Variants in VDAC1 observed in about 807,000 individuals in gnomAD.
VDAC1 encodes the protein non-selective voltage-gated ion channel VDAC1.
Under a neutral mutation model 34.7 loss-of-function variants are expected in VDAC1, and 10 were observed. The observed-to-expected ratio is 0.29, with a 90% CI of 0.18 to 0.49. VDAC1 has a LOEUF of 0.49. Ranked by LOEUF, VDAC1 falls within the 20% of genes least tolerant of loss-of-function variation. The probability of loss-of-function intolerance (pLI) is 0.99; values close to 1 mark genes in which losing one functional copy is unlikely to be tolerated. For missense variants in VDAC1, 230 were observed against 347.9 expected, an observed-to-expected ratio of 0.66 and a Z score of 2.69; for synonymous variants, 130 against 136.0, an observed-to-expected ratio of 0.96 and a Z score of 0.30.
chr5:134,022,374 G>A, the VDAC1 span, among the ~76,000 whole-genome samples: 1 of 152,196 alleles, frequency 6.6e-6, no homozygotes. Context: ...TTGGCACACA[G>A]TTCTAGAGGT....
the VDAC1 span, among the ~76,000 whole-genome samples, chr5:134,014,367 A>G: frequency 6.6e-6 from 1 of 152,224 alleles, no homozygotes; most frequent in African/African-American, 2.4e-5. Context: ...CATCAGATAA[A>G]TGCAAATCAA....
At chr5:133,992,497 C>A in intron 2 of VDAC1, 142 bp from the exon 3 acceptor site, 1 of 532,974 alleles carries the variant, frequency 1.9e-6, no homozygotes, top group Non-Finnish European at 3.1e-6. Context: ...GTCTCTGCTG[C>A]TGCTCGTGGG....
chr5:134,002,019 A>T (rs1397529633), intron 1 of VDAC1, among the ~76,000 whole-genome samples: 1 of 152,168 alleles, frequency 6.6e-6, no homozygotes, highest in Non-Finnish European at 1.5e-5. Context: ...ATCTCTGAGC[A>T]CCAGGAGGGG....
chr5:134,113,182 G>C, the VDAC1 span, among the ~76,000 whole-genome samples: 3 of 152,216 alleles, frequency 2.0e-5, no homozygotes, highest in Non-Finnish European at 4.4e-5. Context: ...ACCCTGGGAA[G>C]AGGCTGGGGA....
At chr5:134,038,257 C>T in the VDAC1 span, among the ~76,000 whole-genome samples, 3 of 152,180 alleles carry the variant, frequency 2.0e-5, no homozygotes, top group Non-Finnish European at 4.4e-5. Flanking sequence ...CAGCTAAGGC[C>T]TGAAAGAACT....
the VDAC1 span, among the ~76,000 whole-genome samples, chr5:134,032,616 T>G: frequency 6.6e-6 from 1 of 152,176 alleles, no homozygotes; most frequent in Non-Finnish European, 1.5e-5. Context: ...TGGAGTAGTA[T>G]GCAGCTATAA....
At chr5:134,018,339 A>G in the VDAC1 span, among the ~76,000 whole-genome samples, 1 of 152,186 alleles carries the variant, frequency 6.6e-6, no homozygotes, top group African/African-American at 2.4e-5. Context: ...TACCTTGCGG[A>G]GGGCACCAAG....
chr5:134,112,243 C>T, the VDAC1 span, among the ~76,000 whole-genome samples: 1 of 152,216 alleles, frequency 6.6e-6, no homozygotes, highest in Non-Finnish European at 1.5e-5. Context: ...TATCTGAGCT[C>T]TTTCTGTCCA....
chr5:134,087,861 C>T, the VDAC1 span, among the ~76,000 whole-genome samples: 1 of 129,878 alleles, frequency 7.7e-6, no homozygotes, highest in Non-Finnish European at 1.6e-5. Flanking sequence ...CCCTAAAAAA[C>T]AAAACAAGCA....
the VDAC1 span, among the ~76,000 whole-genome samples, chr5:134,040,810 T>G: frequency 6.6e-6 from 1 of 152,220 alleles, no homozygotes; most frequent in Non-Finnish European, 1.5e-5. Context: ...GGCTATCCAA[T>G]AGTGTCTCCT....
intron 5 of VDAC1, 30 bp downstream of exon 5, chr5:133,990,825 C>T (rs748921093): frequency 2.0e-6 from 3 of 1,523,508 alleles, no homozygotes; most frequent in Non-Finnish European, 2.6e-6. Context: ...CAGAGAACAT[C>T]CTTGTGGAGA....
At chr5:134,052,098 G>A in the VDAC1 span, among the ~76,000 whole-genome samples, 3 of 152,012 alleles carry the variant, frequency 2.0e-5, no homozygotes, top group Non-Finnish European at 2.9e-5. Context: ...TTTGAAAGGC[G>A]CCCTCCCTCC....
Position 133,977,633 on chromosome 5 carries a change from T to A in VDAC1, c.552-1612A>T, listed in dbSNP as rs573109788. The stretch of plus-strand genomic sequence containing the variant: ...CACTTTGTCCTCTGTCGGGCTGGGG[T>A]CGGCACAGATCATAGACTGTCTCTC... On this transcript the variant is annotated intron_variant, in intron 6 of 8. Transcript: ENST00000265333. 2.0e-5 allele frequency among the ~76,000 whole-genome samples: 3 copies of A among 152,264 alleles called. No individual in the cohort carries two copies. The South Asian group carries it at 6.2e-4, about 32-fold the overall frequency.
chr5:134,075,003 C>T, the VDAC1 span, among the ~76,000 whole-genome samples: 17 of 152,176 alleles, frequency 1.1e-4, no homozygotes, highest in African/African-American at 4.1e-4. Context: ...ACAGCTCGTC[C>T]AGCCATTTGG....
At chr5:134,025,761 C>T in the VDAC1 span, among the ~76,000 whole-genome samples, 1 of 151,978 alleles carries the variant, frequency 6.6e-6, no homozygotes, top group Admixed American at 6.6e-5. Context: ...AGCTAAGTTT[C>T]TTTTCATTTT....
the VDAC1 span, among the ~76,000 whole-genome samples, chr5:134,011,328 TG>T: frequency 6.6e-6 from 1 of 152,080 alleles, no homozygotes; most frequent in Admixed American, 6.6e-5. Flanking sequence ...TGGGGTTATT[TG>T]TTTTTTTGCT....
chr5:134,059,060 A>G, the VDAC1 span, among the ~76,000 whole-genome samples: 1 of 152,174 alleles, frequency 6.6e-6, no homozygotes, highest in Non-Finnish European at 1.5e-5. Context: ...GTGGCTTGCC[A>G]ACCCATGGTC....
chr5:134,030,064 G>A, the VDAC1 span, among the ~76,000 whole-genome samples: 1 of 152,148 alleles, frequency 6.6e-6, no homozygotes, highest in Non-Finnish European at 1.5e-5. Context: ...AAAAAGGCCG[G>A]GCACGGTGGC....
chr5:134,065,943 G>C, the VDAC1 span, among the ~76,000 whole-genome samples: 1 of 151,508 alleles, frequency 6.6e-6, no homozygotes, highest in Non-Finnish European at 1.5e-5. Flanking sequence ...ACAGGCCCCC[G>C]CCACCACGCC....
Sources: gnomAD v4.1 joint callset for allele counts (sites outside exome capture counted in the v4.1 genomes callset) on GRCh38, gnomAD v4.1.1 for gene constraint, MANE v1.5 for transcripts, NCBI Gene and HGNC (gene_info 2026-07-23, HGNC 2026-07-21) for gene names.